The following FRAS1 variants were observed in gnomAD, a reference collection of about 807,000 sequenced individuals.
FRAS1 encodes the protein extracellular matrix organizing protein FRAS1.
FRAS1 carries 290 observed loss-of-function variants against 435.2 expected under a neutral mutation model. The ratio of observed to expected loss-of-function variants is 0.67; its 90% confidence interval spans 0.61 to 0.73. The LOEUF (loss-of-function observed/expected upper bound fraction) is 0.73, where lower values mean the gene tolerates loss of function less well. FRAS1 is among the 30% of genes least tolerant of loss of function. The probability of loss-of-function intolerance (pLI) is 0.00; values close to 1 mark genes in which losing one functional copy is unlikely to be tolerated. For missense variants in FRAS1, 4,860 were observed against 5,001.5 expected, an observed-to-expected ratio of 0.97 and a Z score of 0.85; for synonymous variants, 1,800 against 1,851.0, an observed-to-expected ratio of 0.97 and a Z score of 0.71.
chr4:78,506,659 G>A lies in FRAS1; in HGVS notation c.9317-762G>A, dbSNP rs536916188. ...CATTTTTCCAGGTACAGTCTGTCAC[G>A]GCTTCCCTTGGCTAGGAAAAGGAAA... On this transcript the variant is annotated intron_variant, in intron 61 of 73. Coordinates refer to ENST00000512123, the MANE Select transcript of FRAS1 (RefSeq NM_025074.7). Among the ~76,000 whole-genome samples the A allele has an allele frequency of 2.0e-5, 3 of 152,230 alleles. No homozygotes were observed. The South Asian group carries it at 6.2e-4, about 32-fold the overall frequency.
At chr4:78,130,874 A>G (rs1719650090) in intron 2 of FRAS1, among the ~76,000 whole-genome samples, 3 of 152,210 alleles carry the variant, frequency 2.0e-5, no homozygotes, top group Non-Finnish European at 4.4e-5. Flanking sequence ...CATAACTTGT[A>G]GCAGGGAAAG....
intron 18 of FRAS1, among the ~76,000 whole-genome samples, chr4:78,323,367 C>T (rs1265101727): frequency 2.6e-5 from 4 of 152,200 alleles, no homozygotes; most frequent in Non-Finnish European, 5.9e-5. Flanking sequence ...ACCAGTTTAG[C>T]TGAGTGTTTG....
intron 6 of FRAS1, 34 bp downstream of exon 6, chr4:78,255,409 G>A (rs564230697): frequency 7.1e-6 from 11 of 1,551,076 alleles, no homozygotes; most frequent in African/African-American, 4.1e-5. Context: ...CAGCCTTCAC[G>A]GGCTATTGAA....
chr4:78,093,055 A>G (rs1285188119), intron 2 of FRAS1, among the ~76,000 whole-genome samples: 1 of 152,190 alleles, frequency 6.6e-6, no homozygotes, highest in Non-Finnish European at 1.5e-5. Flanking sequence ...GGTATGTGTG[A>G]TTTTCATTCA....
At chr4:78,312,859 A>AAGAGAGAGAG (rs61199249) in intron 15 of FRAS1, among the ~76,000 whole-genome samples, 197 of 121,790 alleles carry the variant, frequency 1.6e-3, no homozygotes, top group African/African-American at 6.5e-3. Context: ...GAAAGAAAGA[A>AAGAGAGAGAG]AGAGAGAGAG....
intron 3 of FRAS1, among the ~76,000 whole-genome samples, chr4:78,240,710 T>G (rs1724964022): frequency 6.6e-6 from 1 of 152,106 alleles, no homozygotes; most frequent in Non-Finnish European, 1.5e-5. Context: ...ATTGCAAACA[T>G]GTAGAATTAA....
chr4:78,272,384 C>T (rs1311617010), intron 9 of FRAS1, among the ~76,000 whole-genome samples: 5 of 152,152 alleles, frequency 3.3e-5, no homozygotes, highest in East Asian at 1.9e-4. Context: ...GAAGTCCTTG[C>T]CCATGCCTAT....
At chr4:78,117,483 T>C (rs1259608382) in intron 2 of FRAS1, among the ~76,000 whole-genome samples, 1 of 152,200 alleles carries the variant, frequency 6.6e-6, no homozygotes, top group South Asian at 2.1e-4. Context: ...CAGACGTAGA[T>C]TTGGTTTTTT....
In FRAS1 at chr4:78,451,841, A is replaced by G. The variant is rs1311982763; in HGVS notation, c.6533A>G (p.Asp2178Gly). ...GSFAFKFDVV[D>G]GEGNRLIDKS... ...TTTGCTTTTAAATTTGATGTGGTTG[A>G]TGGAGAAGGCAACAGATTGATTGAC... The change falls in exon 46 of 74, where the codon GAT becomes GGT. Residue 2178 changes from aspartate (D) to glycine (G), a missense_variant. Transcript: ENST00000512123. 6 of 1,613,132 alleles carry G rather than the reference A, an allele frequency of 3.7e-6. No homozygotes were observed. Among genetic ancestry groups the G allele is most frequent in the Non-Finnish European group, 4.2e-6 (5 of 1,179,416 alleles).
intron 4 of FRAS1, among the ~76,000 whole-genome samples, chr4:78,245,633 C>T (rs1725206971): frequency 6.6e-6 from 1 of 152,152 alleles, no homozygotes; most frequent in Admixed American, 6.6e-5. Flanking sequence ...TTGATAGTTA[C>T]AAACAATCCT....
In FRAS1 at chr4:78,481,883, A is replaced by G; in HGVS notation, c.8523A>G (p.Ser2841=). The G allele has an allele frequency of 6.2e-7, 1 of 1,613,876 alleles. No individual in the cohort carries two copies. Among genetic ancestry groups the G allele is most frequent in the Non-Finnish European group, 8.5e-7 (1 of 1,179,836 alleles). Residue 2841 remains serine (S), a synonymous_variant, in exon 57 of 74, where the codon TCA becomes TCG. Transcript: ENST00000512123. ...CTGTCTGGTGTGCAACGCGGCCCTC[A>G]GACCCAGCTTCTGCCACACCAGGAG... ...FASVWCATRP[S]DPASATPGVD... is the part of the protein sequence containing the mutation.
At position 78,445,657 on chromosome 4, in the gene FRAS1, A is replaced by G; in HGVS notation, c.5801A>G (p.Tyr1934Cys). 6.2e-7 allele frequency: 1 copy of G among 1,613,966 alleles called. No homozygotes were observed. Residue 1934 changes from tyrosine (Y) to cysteine (C), a missense_variant, in exon 42 of 74, where the codon TAT becomes TGT. Tyr to Cys is a radical substitution (Grantham distance 194). Transcript: ENST00000512123. ...CCAACCCATGATATTTTTAGTTTTT[A>G]TGTGAGTGATGGAACCAGTCGTTCA... ...IEPTHDIFSF[Y>C]VSDGTSRSEI...
At chr4:78,122,204 C>T (rs1263899723) in intron 2 of FRAS1, among the ~76,000 whole-genome samples, 1 of 152,094 alleles carries the variant, frequency 6.6e-6, no homozygotes, top group African/African-American at 2.4e-5. Flanking sequence ...TCAATTCCCA[C>T]TTATGAGTGA....
intron 59 of FRAS1, among the ~76,000 whole-genome samples, chr4:78,489,712 A>T (rs912686517): frequency 6.6e-6 from 1 of 152,196 alleles, no homozygotes; most frequent in South Asian, 2.1e-4. Context: ...AACTTAGCAG[A>T]AGCAAATGAG....
At chr4:78,441,429 G>T in intron 41 of FRAS1, 132 bp downstream of exon 41, 1 of 876,524 alleles carries the variant, frequency 1.1e-6, no homozygotes, top group Non-Finnish European at 1.7e-6. Flanking sequence ...ATGGAAGGAA[G>T]GTAGGAAGGT....
At chr4:78,443,642 G>T (rs1313842986) in intron 41 of FRAS1, among the ~76,000 whole-genome samples, 1 of 152,094 alleles carries the variant, frequency 6.6e-6, no homozygotes, top group Non-Finnish European at 1.5e-5. Context: ...TATTTAATTT[G>T]CACATCATAT....
chr4:78,416,261 G>A (rs1733549568), intron 32 of FRAS1, among the ~76,000 whole-genome samples: 1 of 152,132 alleles, frequency 6.6e-6, no homozygotes, highest in Non-Finnish European at 1.5e-5. Context: ...GAAGTAGAAA[G>A]TAGAATGGTA....
At chr4:78,059,524 G>C (rs1739650125) in intron 1 of FRAS1, among the ~76,000 whole-genome samples, 1 of 147,236 alleles carries the variant, frequency 6.8e-6, no homozygotes, top group Non-Finnish European at 1.5e-5. Flanking sequence ...AAAAAAAAAA[G>C]CTTGTAGGGC....
intron 2 of FRAS1, among the ~76,000 whole-genome samples, chr4:78,120,319 C>T (rs1272537605): frequency 6.6e-6 from 1 of 152,204 alleles, no homozygotes; most frequent in Non-Finnish European, 1.5e-5. Flanking sequence ...CTCACCTGTG[C>T]CAGCTTATGG....
Sources: allele counts gnomAD v4.1 joint callset (sites outside exome capture counted in the v4.1 genomes callset), GRCh38; gene constraint gnomAD v4.1.1; transcripts MANE v1.5; gene names NCBI Gene and HGNC (gene_info 2026-07-23, HGNC 2026-07-21).